The following HK1 variants were observed in gnomAD, a reference collection of about 807,000 sequenced individuals.
HK1 encodes the protein hexokinase 1.
A neutral mutation model predicts 91.6 loss-of-function variants in HK1; 28 were observed. That is an observed-to-expected ratio of 0.31 (90% CI 0.23 to 0.42). The LOEUF is 0.42. Among genes scored for constraint, HK1 ranks in the 10% least tolerant of loss-of-function variants. HK1 has a pLI of 1.00. For missense variants in HK1, 770 were observed against 1,219.8 expected, an observed-to-expected ratio of 0.63 and a Z score of 5.49; for synonymous variants, 430 against 468.1, an observed-to-expected ratio of 0.92 and a Z score of 1.05.
chr10:69,318,063 T>C, upstream of HK1: 3 of 985,382 alleles, frequency 3.0e-6, no homozygotes, highest in Non-Finnish European at 3.6e-6. Context: ...GGCCACGACC[T>C]GTGGCCCAAG....
intron 3 of HK1, among the ~76,000 whole-genome samples, chr10:69,364,514 G>A (rs1849596126): frequency 6.6e-6 from 1 of 152,048 alleles, no homozygotes; most frequent in African/African-American, 2.4e-5. Flanking sequence ...TTGCATATTA[G>A]TGACCACTGA....
chr10:69,278,014 C>G (rs933113365), intron 1 of HK1, among the ~76,000 whole-genome samples: 2 of 147,378 alleles, frequency 1.4e-5, no homozygotes, highest in Admixed American at 6.9e-5. Context: ...GCTTGGGCAA[C>G]AACAGCGAGA....
At chr10:69,298,027 A>T (rs1466267535) in intron 4 of HK1, among the ~76,000 whole-genome samples, 1 of 151,446 alleles carries the variant, frequency 6.6e-6, no homozygotes, top group Non-Finnish European at 1.5e-5. Context: ...CCTGGCCAAC[A>T]TGGTGAAACC....
intron 5 of HK1, among the ~76,000 whole-genome samples, chr10:69,302,470 G>C (rs1025162521): frequency 2.7e-5 from 4 of 149,398 alleles, no homozygotes; most frequent in Non-Finnish European, 4.4e-5. Context: ...CGCCTCCCGG[G>C]TTCACACCAT....
At chr10:69,393,673 C>T (rs1013533460) in intron 15 of HK1, among the ~76,000 whole-genome samples, 1 of 152,202 alleles carries the variant, frequency 6.6e-6, no homozygotes, top group South Asian at 2.1e-4. Flanking sequence ...GAGATGGTAA[C>T]TAAAAAATGA....
rs760298825 is a variant in HK1 at position 69,368,556 on chromosome 10, A to C, written c.516A>C (p.Thr172=). 1.9e-6 allele frequency: 3 copies of C among 1,614,116 alleles called. No individual in the cohort carries two copies. In the African/African-American group the frequency reaches 4.0e-5, roughly 22 times the overall value. Residue 172 remains threonine, a synonymous_variant, in exon 5 of 18, where the codon ACA becomes ACC. Transcript: ENST00000359426. ...TGCAGGCCATCCTGATCACCTGGAC[A>C]AAGCGATTTAAAGCGAGCGGAGTGG... is the stretch of plus-strand genomic sequence containing the variant. ...KIDEAILITW[T]KRFKASGVEG...
intron 3 of HK1, chr10:69,288,800 T>C: frequency 6.2e-7 from 1 of 1,602,608 alleles, no homozygotes; most frequent in Non-Finnish European, 8.5e-7. Flanking sequence ...TCTTTCTTTC[T>C]TTTTTTGAGA....
chr10:69,288,718 C>T (rs373087053), exon 3 of HK1: 129 of 1,611,586 alleles, frequency 8.0e-5, no homozygotes, highest in Non-Finnish European at 1.0e-4. Flanking sequence ...AGAAAGGACC[C>T]GAGGTCAGCA....
chr10:69,329,370 C>T (rs1364716776), intron 1 of HK1, among the ~76,000 whole-genome samples: 1 of 152,014 alleles, frequency 6.6e-6, no homozygotes, highest in Non-Finnish European at 1.5e-5. Context: ...ACCATGTTGG[C>T]CAGGATGTTC....
At chr10:69,281,289 G>A (rs1844734977) in intron 1 of HK1, among the ~76,000 whole-genome samples, 1 of 152,230 alleles carries the variant, frequency 6.6e-6, no homozygotes, top group Admixed American at 6.5e-5. Context: ...ACCTAATGCT[G>A]TTGTTACTGG....
chr10:69,372,074 T>G (rs1850034983), intron 7 of HK1, among the ~76,000 whole-genome samples: 1 of 152,232 alleles, frequency 6.6e-6, no homozygotes, highest in Admixed American at 6.5e-5. Context: ...ATGTCTTACA[T>G]GGATGGCAGC....
intron 2 of HK1, among the ~76,000 whole-genome samples, chr10:69,283,105 C>T (rs1475440101): frequency 9.6e-6 from 1 of 103,968 alleles, no homozygotes; most frequent in African/African-American, 3.7e-5. Flanking sequence ...GCCTGGGTGA[C>T]AAGAGCGAAA....
intron 12 of HK1, 66 bp downstream of exon 12, chr10:69,384,981 G>C (rs1291832435): frequency 6.5e-7 from 1 of 1,542,308 alleles, no homozygotes; most frequent in Non-Finnish European, 9.0e-7. Flanking sequence ...TGGGTGGGCT[G>C]GCCCTTGAGG....
intron 16 of HK1, among the ~76,000 whole-genome samples, chr10:69,395,499 A>G (rs548907749): frequency 1.0e-3 from 157 of 152,220 alleles, no homozygotes; most frequent in Middle Eastern, 3.4e-3. Flanking sequence ...ACTCACTTGA[A>G]CCCAGGAGGT....
At chr10:69,316,414 C>G (rs781264814), upstream of HK1, among the ~76,000 whole-genome samples, 1 of 152,182 alleles carries the variant, frequency 6.6e-6, no homozygotes, top group Non-Finnish European at 1.5e-5. Context: ...AGTTAGAAGA[C>G]TCTTGTAATA....
chr10:69,313,565 C>T (rs1044341726), upstream of HK1, among the ~76,000 whole-genome samples: 3 of 152,172 alleles, frequency 2.0e-5, no homozygotes, highest in Non-Finnish European at 4.4e-5. Flanking sequence ...CGGGTTCAAG[C>T]GATTCTCCTG....
chr10:69,337,932 T>C (rs188396408), intron 1 of HK1: 2 of 153,470 alleles, frequency 1.3e-5, no homozygotes, highest in East Asian at 3.9e-4. Context: ...AATCTTGCGT[T>C]TGTTTTTTGT....
chr10:69,302,186 G>A (rs1845908719), intron 5 of HK1, among the ~76,000 whole-genome samples: 2 of 151,454 alleles, frequency 1.3e-5, no homozygotes, highest in African/African-American at 4.9e-5. Flanking sequence ...GGCAGAGGTT[G>A]CGGTGAGCTG....
In HK1 at chr10:69,343,898, G is replaced by A. The variant is rs1848421310; in HGVS notation, c.135G>A (p.Lys45=). Residue 45 remains lysine, a synonymous_variant, in exon 2 of 18, where the codon AAG becomes AAA. Coordinates refer to ENST00000359426, the MANE Select transcript of HK1 (RefSeq NM_000188.3). Reference sequence around the variant, plus strand: ...TAGATATCATGACTCGCTTCAGGAAGGAGATGAAGAATGGCCTCTCCCGGG... The same window carrying A: ...TAGATATCATGACTCGCTTCAGGAAAGAGATGAAGAATGGCCTCTCCCGGG... ...TLIDIMTRFR[K]EMKNGLSRDF... 1.9e-6 allele frequency: 3 copies of A among 1,614,066 alleles called. No individual in the cohort carries two copies. The highest frequency in any genetic ancestry group is 1.3e-5 in the African/African-American group (1 of 75,044).
Sources: gnomAD v4.1 joint callset for allele counts (sites outside exome capture counted in the v4.1 genomes callset) on GRCh38, gnomAD v4.1.1 for gene constraint, MANE v1.5 for transcripts, NCBI Gene and HGNC (gene_info 2026-07-23, HGNC 2026-07-21) for gene names.